Variants in CMTM7 observed in about 807,000 individuals in gnomAD.
CMTM7 encodes CKLF-like MARVEL transmembrane domain-containing protein 7.
A neutral mutation model predicts 19.3 loss-of-function variants in CMTM7; 7 were observed. The observed-to-expected ratio is 0.36, with a 90% CI of 0.21 to 0.68. The LOEUF (loss-of-function observed/expected upper bound fraction) is 0.68. CMTM7 is among the 30% of genes least tolerant of loss of function. The pLI, the probability that CMTM7 is intolerant of heterozygous loss-of-function variation, is 0.60. For synonymous variants in CMTM7, 87 were observed against 99.3 expected, an observed-to-expected ratio of 0.88 and a Z score of 0.74; for missense variants, 193 against 232.6, an observed-to-expected ratio of 0.83 and a Z score of 1.11.
chr3:32,399,794 G>A (rs1017584762), intron 1 of CMTM7, among the ~76,000 whole-genome samples: 1 of 152,072 alleles, frequency 6.6e-6, no homozygotes, highest in Non-Finnish European at 1.5e-5. Context: ...AAGATTCTTT[G>A]ACCTCAGCCC....
Position 32,449,102 on chromosome 3 carries a change from C to T in CMTM7, c.334-352C>T, listed in dbSNP as rs1696793068. On this transcript the variant is annotated intron_variant, in intron 2 of 4. Transcript: ENST00000334983. This position sits in a 1 kb window ranked among gnomAD's most constrained non-coding sequence, Gnocchi z 4.5. ...TCTCCAGCCGGGAAGTTGCAAGAAGCTCGTTTGCTTTTTAGTAGCTTTAGC... is the reference window on the plus strand; with the variant it reads ...TCTCCAGCCGGGAAGTTGCAAGAAGTTCGTTTGCTTTTTAGTAGCTTTAGC... 2.0e-5 allele frequency among the ~76,000 whole-genome samples: 3 copies of T among 152,224 alleles called. No homozygotes were observed. In the South Asian group the frequency reaches 6.2e-4, roughly 31 times the overall value.
chr3:32,421,486 TG>T (rs1696343131), intron 1 of CMTM7, among the ~76,000 whole-genome samples: 1 of 152,222 alleles, frequency 6.6e-6, no homozygotes. Flanking sequence ...TCCCCTTCTC[TG>T]TGTGTTGGAA....
chr3:32,429,850 C>T (rs1044015630), intron 1 of CMTM7, among the ~76,000 whole-genome samples: 2 of 152,052 alleles, frequency 1.3e-5, no homozygotes, highest in Non-Finnish European at 2.9e-5. Context: ...CCACCCTCCT[C>T]GGCCTCCCAA....
intron 1 of CMTM7, among the ~76,000 whole-genome samples, chr3:32,439,370 G>A (rs1027836983): frequency 1.3e-5 from 2 of 152,128 alleles, no homozygotes; most frequent in Non-Finnish European, 1.5e-5. Flanking sequence ...CTTGATAGTG[G>A]GCTAGCAACA....
At chr3:32,409,761 GA>G (rs1352705857) in intron 1 of CMTM7, among the ~76,000 whole-genome samples, 1 of 152,164 alleles carries the variant, frequency 6.6e-6, no homozygotes, top group African/African-American at 2.4e-5. Flanking sequence ...AGAAAGAAAA[GA>G]AATCATGTTT....
chr3:32,400,572 T>C (rs1453574654), intron 1 of CMTM7, among the ~76,000 whole-genome samples: 1 of 151,756 alleles, frequency 6.6e-6, no homozygotes, highest in African/African-American at 2.4e-5. Flanking sequence ...ATTGTATTTT[T>C]AGTAGAGACG....
chr3:32,429,745 C>T (rs347155), intron 1 of CMTM7, among the ~76,000 whole-genome samples: 92,247 of 151,338 alleles, frequency 0.61, 28,533 homozygotes, highest in Non-Finnish European at 0.66. Flanking sequence ...GGACTACAGG[C>T]GCCCGCCACC....
intron 1 of CMTM7, among the ~76,000 whole-genome samples, chr3:32,392,402 C>G (rs1695850428): frequency 6.6e-6 from 1 of 152,240 alleles, no homozygotes; most frequent in African/African-American, 2.4e-5. Context: ...CTTTCTTCCT[C>G]TTCTCTGGGC....
At chr3:32,448,281 T>G (rs1158393264) in intron 2 of CMTM7, among the ~76,000 whole-genome samples, 1 of 152,142 alleles carries the variant, frequency 6.6e-6, no homozygotes, top group Non-Finnish European at 1.5e-5. Context: ...TGTTCTTCAG[T>G]TAAAATCTCT....
chr3:32,430,714 T>TGTGTGTGTGTGTGTGTGTGTGA lies in CMTM7; in HGVS notation c.160-11125_160-11124insTGTGTGTGTGTGTGTGTGTGAG, dbSNP rs10634592. 3.4e-3 allele frequency among the ~76,000 whole-genome samples: 514 copies of TGTGTGTGTGTGTGTGTGTGTGA among 149,660 alleles called. 3 individuals are homozygous for TGTGTGTGTGTGTGTGTGTGTGA. Among genetic ancestry groups the TGTGTGTGTGTGTGTGTGTGTGA allele is most frequent in the African/African-American group, 7.8e-3 (314 of 40,450 alleles). On this transcript the variant is annotated intron_variant, in intron 1 of 4. Coordinates refer to ENST00000334983, the MANE Select transcript of CMTM7 (RefSeq NM_138410.4). ...GTGTGTGTGTGTGTGTGTGTGTGTG[T>TGTGTGTGTGTGTGTGTGTGTGA]GACACAGCTCTCCTGATGACCCTTT...
intron 2 of CMTM7, among the ~76,000 whole-genome samples, chr3:32,443,494 C>T (rs900114727): frequency 2.0e-5 from 3 of 152,098 alleles, no homozygotes; most frequent in Non-Finnish European, 4.4e-5. Context: ...GTTGTTTTTA[C>T]CTTTTGGCTA....
chr3:32,411,604 CCT>C (rs1404222983), intron 1 of CMTM7, among the ~76,000 whole-genome samples: 1 of 152,212 alleles, frequency 6.6e-6, no homozygotes, highest in Non-Finnish European at 1.5e-5. Context: ...TAAGTGACCC[CCT>C]GAGTCACTGT....
In CMTM7 at chr3:32,449,445, T is replaced by C; in HGVS notation, c.334-9T>C. On this transcript the variant is annotated splice_polypyrimidine_tract_variant and intron_variant, in intron 2 of 4. Coordinates refer to ENST00000334983, the MANE Select transcript of CMTM7 (RefSeq NM_138410.4). This position sits in a 1 kb window ranked among gnomAD's most constrained non-coding sequence, Gnocchi z 4.5. The stretch of plus-strand genomic sequence containing the variant: ...CCTACCCACTTATTTGCTTTGTTTC[T>C]GCCCCCAGGAACTTCTGCACTATTT... 1 of 1,606,480 alleles carries C rather than the reference T, an allele frequency of 6.2e-7. No homozygotes were observed. Among genetic ancestry groups the C allele is most frequent in the East Asian group, 2.2e-5 (1 of 44,850 alleles).
rs191189841 is a variant in CMTM7, at chr3:32,449,669, C to A, written c.432+117C>A. ...GGGCATTCCCTTCATAGAATCAATA[C>A]CTACCTTGATCCAGCCATCAGCTCT... On this transcript the variant is annotated intron_variant, in intron 3 of 4. Transcript: ENST00000334983. The surrounding 1 kb of genome is among the most constrained non-coding windows in gnomAD (Gnocchi z 4.5). 223 of 788,834 alleles carry A rather than the reference C, an allele frequency of 2.8e-4. No homozygotes were observed. In the African/African-American group the frequency reaches 3.4e-3, roughly 12 times the overall value. The allele number at this position is 788,834 out of a possible 1,614,324, so 48.9% of individuals were successfully genotyped here.
At chr3:32,453,806 T>G (rs1420641142) in intron 4 of CMTM7, among the ~76,000 whole-genome samples, 3 of 152,182 alleles carry the variant, frequency 2.0e-5, no homozygotes, top group African/African-American at 7.2e-5. Context: ...AATTGTATGG[T>G]ATGTGAATTA....
chr3:32,443,388 G>A (rs1207848000), intron 2 of CMTM7, among the ~76,000 whole-genome samples: 1 of 152,130 alleles, frequency 6.6e-6, no homozygotes, highest in Non-Finnish European at 1.5e-5. Flanking sequence ...ACAGACATGA[G>A]CCACCATGCC....
chr3:32,450,193 CTATT>C (rs1456280520), intron 3 of CMTM7, among the ~76,000 whole-genome samples: 3 of 152,036 alleles, frequency 2.0e-5, no homozygotes, highest in African/African-American at 4.8e-5. Flanking sequence ...ATTTAGCTAA[CTATT>C]TATAGTTCAG....
chr3:32,404,162 C>CTTTTTTT (rs5847761), intron 1 of CMTM7, among the ~76,000 whole-genome samples: 2 of 74,668 alleles, frequency 2.7e-5, no homozygotes, highest in East Asian at 4.0e-4. Context: ...CTTTTTTTTT[C>CTTTTTTT]TTTTTTTTTT....
chr3:32,408,333 A>T (rs1469702041), intron 1 of CMTM7, among the ~76,000 whole-genome samples: 2 of 152,264 alleles, frequency 1.3e-5, no homozygotes, highest in Non-Finnish European at 2.9e-5. Context: ...TTACAATCAG[A>T]TGCTAAAAAT....
Sources: allele counts gnomAD v4.1 joint callset (sites outside exome capture counted in the v4.1 genomes callset), GRCh38; gene constraint gnomAD v4.1.1; non-coding constraint Gnocchi (gnomAD v3.1); transcripts MANE v1.5; gene names NCBI Gene and HGNC (gene_info 2026-07-23, HGNC 2026-07-21).